The following SERGEF variants were observed in gnomAD, a reference collection of about 807,000 sequenced individuals.
SERGEF encodes secretion-regulating guanine nucleotide exchange factor.
A neutral mutation model predicts 50.0 loss-of-function variants in SERGEF; 51 were observed. That is an observed-to-expected ratio of 1.02 (90% CI 0.81 to 1.29). The LOEUF (loss-of-function observed/expected upper bound fraction) is 1.29. Ranked by LOEUF, SERGEF falls within the 50% of genes most tolerant of loss-of-function variation. SERGEF has a pLI of 0.00. For missense variants in SERGEF, 521 were observed against 557.0 expected, an observed-to-expected ratio of 0.94 and a Z score of 0.65; for synonymous variants, 205 against 212.4, an observed-to-expected ratio of 0.97 and a Z score of 0.30.
intron 8 of SERGEF, among the ~76,000 whole-genome samples, chr11:17,960,500 A>G (rs1852974582): frequency 6.6e-6 from 1 of 152,362 alleles, no homozygotes; most frequent in Non-Finnish European, 1.5e-5. Context: ...ATAAATATGC[A>G]TAACCATGTG....
At chr11:17,898,153 C>T (rs1851681484) in intron 9 of SERGEF, among the ~76,000 whole-genome samples, 1 of 152,184 alleles carries the variant, frequency 6.6e-6, no homozygotes, top group African/African-American at 2.4e-5. Flanking sequence ...GACTGAGAAA[C>T]TCAGGAATCT....
chr11:17,947,392 A>G (rs909109544), intron 9 of SERGEF, among the ~76,000 whole-genome samples: 2 of 152,258 alleles, frequency 1.3e-5, no homozygotes, highest in African/African-American at 4.8e-5. Context: ...AAACAGAAAC[A>G]GAACACAAAC....
chr11:17,905,608 G>A (rs1195063807), intron 9 of SERGEF, among the ~76,000 whole-genome samples: 2 of 152,190 alleles, frequency 1.3e-5, no homozygotes, highest in Non-Finnish European at 2.9e-5. Context: ...ATTTATAAGT[G>A]GAGACCATTG....
At chr11:18,012,584 G>A in intron 1 of SERGEF, 1 of 1,173,192 alleles carries the variant, frequency 8.5e-7, no homozygotes, top group Non-Finnish European at 1.1e-6. Context: ...GTGGCCCCAC[G>A]GAGCTCTGGG....
At chr11:17,983,018 A>G (rs537176275) in intron 8 of SERGEF, among the ~76,000 whole-genome samples, 2 of 152,280 alleles carry the variant, frequency 1.3e-5, no homozygotes, top group African/African-American at 4.8e-5. Context: ...TCCATCATTG[A>G]TTCTCTAAAA....
At chr11:17,874,882 A>C (rs1320847057) in intron 10 of SERGEF, among the ~76,000 whole-genome samples, 1 of 152,104 alleles carries the variant, frequency 6.6e-6, no homozygotes, top group African/African-American at 2.4e-5. Context: ...TGAGATTCCT[A>C]CCCTGGCCTC....
intron 9 of SERGEF, among the ~76,000 whole-genome samples, chr11:17,901,361 A>G (rs1851746386): frequency 6.6e-6 from 1 of 152,226 alleles, no homozygotes. Flanking sequence ...AGCTCAGACT[A>G]GCAACTCCTC....
At chr11:17,902,164 G>C (rs1289117072) in intron 9 of SERGEF, among the ~76,000 whole-genome samples, 1 of 149,218 alleles carries the variant, frequency 6.7e-6, no homozygotes, top group African/African-American at 2.5e-5. Flanking sequence ...GGGAACAAAT[G>C]AGTAAACATG....
chr11:17,947,373 C>T (rs1052561445), intron 9 of SERGEF, among the ~76,000 whole-genome samples: 21 of 152,266 alleles, frequency 1.4e-4, no homozygotes, highest in Middle Eastern at 6.8e-3. Context: ...TCATACTTCC[C>T]GCCACTGTAA....
chr11:17,803,976 G>A (rs1447324651), intron 10 of SERGEF, among the ~76,000 whole-genome samples: 1 of 152,168 alleles, frequency 6.6e-6, no homozygotes, highest in African/African-American at 2.4e-5. Flanking sequence ...TTTCTGGCAC[G>A]GTTGCAGTTG....
chr11:17,864,322 C>T (rs955314801), intron 10 of SERGEF, among the ~76,000 whole-genome samples: 3 of 152,166 alleles, frequency 2.0e-5, no homozygotes, highest in Non-Finnish European at 4.4e-5. Context: ...CCTCAACAGC[C>T]TGGCACCCTC....
chr11:17,798,809 A>G (rs939933241), intron 10 of SERGEF, among the ~76,000 whole-genome samples: 3 of 152,148 alleles, frequency 2.0e-5, no homozygotes, highest in African/African-American at 4.8e-5. Context: ...GGGCTTTTGT[A>G]TCACCCATCT....
chr11:17,984,104 T>A (rs1452159708), intron 8 of SERGEF, among the ~76,000 whole-genome samples: 1 of 152,192 alleles, frequency 6.6e-6, no homozygotes, highest in Non-Finnish European at 1.5e-5. Flanking sequence ...GCCATATGAA[T>A]GTAACACAAT....
chr11:18,002,033 C>T (rs1179660668), intron 4 of SERGEF: 1 of 456,160 alleles, frequency 2.2e-6, no homozygotes, highest in East Asian at 6.9e-5. Context: ...TGAGCTTTGG[C>T]CTTCCTTCTT....
At chr11:17,869,700 G>A (rs1330183473) in intron 10 of SERGEF, among the ~76,000 whole-genome samples, 1 of 151,972 alleles carries the variant, frequency 6.6e-6, no homozygotes, top group East Asian at 1.9e-4. Context: ...ATCACGTTAG[G>A]GAATAAATAT....
intron 10 of SERGEF, among the ~76,000 whole-genome samples, chr11:17,864,539 A>G (rs950264101): frequency 6.6e-6 from 1 of 152,256 alleles, no homozygotes; most frequent in African/African-American, 2.4e-5. Context: ...ATTGTGAAAC[A>G]TCTTTCTTAA....
In SERGEF at chr11:17,959,466, C is replaced by T. The variant is rs1403688976; in HGVS notation, c.1011+4G>A. 2.5e-6 allele frequency: 4 copies of T among 1,611,968 alleles called. No individual in the cohort carries two copies. In the East Asian group the frequency reaches 6.7e-5, roughly 27 times the overall value. ...GATTACATCTGTGAGAAGTCACTTC[C>T]TACCTCAGTTGCTCCAGTTAAGCAA... On this transcript the variant is annotated splice_donor_region_variant and intron_variant, in intron 9 of 10. Transcript: ENST00000265965.
chr11:17,809,568 G>C (rs1435064126), intron 10 of SERGEF, among the ~76,000 whole-genome samples: 1 of 152,174 alleles, frequency 6.6e-6, no homozygotes, highest in Non-Finnish European at 1.5e-5. Context: ...GACTGAGTGG[G>C]AAGGAGGGTC....
At chr11:17,802,694 C>T (rs1273756131) in intron 10 of SERGEF, among the ~76,000 whole-genome samples, 1 of 152,062 alleles carries the variant, frequency 6.6e-6, no homozygotes, top group Non-Finnish European at 1.5e-5. Context: ...AGCCTTTGCA[C>T]CAGCTGTTCC....
Sources: allele counts gnomAD v4.1 joint callset (sites outside exome capture counted in the v4.1 genomes callset), GRCh38; gene constraint gnomAD v4.1.1; transcripts MANE v1.5; gene names NCBI Gene and HGNC (gene_info 2026-07-23, HGNC 2026-07-21).